LRRFIP1: variants seen among roughly 807,000 people sequenced by gnomAD.
LRRFIP1 encodes the protein LRR binding FLII interacting protein 1.
LRRFIP1 carries 62 observed loss-of-function variants against 104.4 expected under a neutral mutation model. The ratio of observed to expected loss-of-function variants is 0.59; its 90% confidence interval spans 0.48 to 0.73. The LOEUF is 0.73. LRRFIP1 is among the 30% of genes least tolerant of loss of function. LRRFIP1 has a pLI of 0.00. For missense variants in LRRFIP1, 796 were observed against 824.5 expected (o/e 0.97, Z 0.42); for synonymous variants, 300 against 299.0 (o/e 1.00, Z -0.03).
At chr2:237,645,757 A>T (rs1559460815) in intron 1 of LRRFIP1, among the ~76,000 whole-genome samples, 1 of 151,996 alleles carries the variant, frequency 6.6e-6, no homozygotes, top group Non-Finnish European at 1.5e-5. Context: ...TATCTTAAAC[A>T]AGGGTGAGCA....
intron 16 of LRRFIP1, 90 bp downstream of exon 16, chr2:237,756,277 A>C (rs2059254180): frequency 2.3e-6 from 2 of 883,400 alleles, no homozygotes; most frequent in African/African-American, 1.7e-5. Context: ...CTGCAGTAAT[A>C]AAATACCATA....
At chr2:237,743,760 G>A (rs2057432873) in intron 11 of LRRFIP1, among the ~76,000 whole-genome samples, 1 of 152,150 alleles carries the variant, frequency 6.6e-6, no homozygotes, top group South Asian at 2.1e-4. Context: ...CAGCGGGGGT[G>A]TGAGGGGAGG....
chr2:237,763,623 A>C (rs372691806), intron 19 of LRRFIP1: 4 of 1,613,854 alleles, frequency 2.5e-6, no homozygotes, highest in Non-Finnish European at 3.4e-6. Context: ...ATTGCAGCAG[A>C]AAGCAGTGAA....
intron 8 of LRRFIP1, among the ~76,000 whole-genome samples, chr2:237,731,883 C>T (rs1452442877): frequency 2.0e-5 from 3 of 152,096 alleles, no homozygotes; most frequent in East Asian, 1.9e-4. Context: ...ATTTGCTGCC[C>T]GAGGGCTCTT....
intron 15 of LRRFIP1, among the ~76,000 whole-genome samples, chr2:237,754,249 C>T (rs1222081342): frequency 6.6e-6 from 1 of 152,118 alleles, no homozygotes; most frequent in Non-Finnish European, 1.5e-5. Flanking sequence ...TTATTTTCTG[C>T]TGATTGGGAA....
At chr2:237,666,666 A>G (rs1413600403) in intron 1 of LRRFIP1, among the ~76,000 whole-genome samples, 2 of 152,192 alleles carry the variant, frequency 1.3e-5, no homozygotes, top group African/African-American at 4.8e-5. Flanking sequence ...CTGGTACTGC[A>G]GAAGCCACAC....
rs1388079346 is a variant in LRRFIP1 at position 237,691,680 on chromosome 2, G to A, written c.97-16864G>A. ...GGAACTCATACCCTCGCCCAGCCCC[G>A]GGCAGGTCCCCCCCCGGAGGGGACC... On this transcript the variant is annotated intron_variant, in intron 1 of 23. Coordinates refer to ENST00000308482, the MANE Select transcript of LRRFIP1 (RefSeq NM_001137550.2). The surrounding 1 kb of genome is among the most constrained non-coding windows in gnomAD (Gnocchi z 5.4). 6.6e-6 allele frequency among the ~76,000 whole-genome samples: 1 copy of A among 152,000 alleles called. No homozygotes were observed. The highest frequency in any genetic ancestry group is 2.4e-5 in the African/African-American group (1 of 41,324).
intron 1 of LRRFIP1, among the ~76,000 whole-genome samples, chr2:237,681,026 C>G (rs2091749668): frequency 1.3e-5 from 2 of 152,116 alleles, no homozygotes; most frequent in African/African-American, 4.8e-5. Context: ...CAAATAGACT[C>G]CTGAGTTAAT....
At chr2:237,627,922 C>T (rs1422135002) in intron 1 of LRRFIP1, among the ~76,000 whole-genome samples, 182 bp downstream of exon 1, 1 of 150,848 alleles carries the variant, frequency 6.6e-6, no homozygotes, top group African/African-American at 2.4e-5. Flanking sequence ...GCGCCCCGGC[C>T]CCGATCTCCG....
chr2:237,765,624 A>G (rs967775947), intron 19 of LRRFIP1: 1 of 974,220 alleles, frequency 1.0e-6, no homozygotes, highest in Non-Finnish European at 1.2e-6. Context: ...TTCATTTGTT[A>G]TGTCCCAGTA....
At chr2:237,643,223 C>T (rs1007668414) in intron 1 of LRRFIP1, among the ~76,000 whole-genome samples, 4 of 152,390 alleles carry the variant, frequency 2.6e-5, no homozygotes, top group South Asian at 2.1e-4. Context: ...CTTTTGGCAA[C>T]GCTGTTGCTT....
intron 19 of LRRFIP1, among the ~76,000 whole-genome samples, chr2:237,760,530 C>T (rs2059747655): frequency 6.6e-6 from 1 of 152,232 alleles, no homozygotes; most frequent in African/African-American, 2.4e-5. Flanking sequence ...TTTGGTTTTC[C>T]TCAGACACAT....
rs74449160 is a variant in LRRFIP1, at chr2:237,690,873, A to G, written c.97-17671A>G. On this transcript the variant is annotated intron_variant, in intron 1 of 23. Transcript: ENST00000308482. ...CTTTTGTGAGCCTGAGATGCTGTCA[A>G]TCAAAGACAGCTTGGCCTCTGTTCA... Among the ~76,000 whole-genome samples, 431 of 152,272 alleles carry G rather than the reference A, an allele frequency of 2.8e-3. 10 individuals are homozygous for G. In the East Asian group the frequency reaches 0.047, roughly 16 times the overall value.
At chr2:237,666,353 T>G (rs1401354646) in intron 1 of LRRFIP1, among the ~76,000 whole-genome samples, 2 of 152,272 alleles carry the variant, frequency 1.3e-5, no homozygotes, top group African/African-American at 4.8e-5. Flanking sequence ...ATCAGCAGTC[T>G]TTGATGATTT....
intron 14 of LRRFIP1, among the ~76,000 whole-genome samples, chr2:237,751,723 C>G (rs1262829063): frequency 6.6e-6 from 1 of 152,198 alleles, no homozygotes; most frequent in African/African-American, 2.4e-5. Context: ...TGAAACATCC[C>G]AATTATTTGC....
chr2:237,719,646 A>C, intron 5 of LRRFIP1, 79 bp downstream of exon 5: 1 of 932,688 alleles, frequency 1.1e-6, no homozygotes, highest in Non-Finnish European at 1.7e-6. Flanking sequence ...AGTATATATA[A>C]TATATTCAAT....
Position 237,667,181 on chromosome 2 carries a change from C to T in LRRFIP1, c.96+39441C>T, listed in dbSNP as rs553646228. Among the ~76,000 whole-genome samples the T allele has an allele frequency of 1.1e-4, 17 of 152,246 alleles. No homozygotes were observed. In the South Asian group the frequency reaches 3.5e-3, roughly 32 times the overall value. ...GTCCTAATGCTCTCCCTTCCCTTCC[C>T]CCTGACCTCCTGACAGGCCCTGGTA... On this transcript the variant is annotated intron_variant, in intron 1 of 23. Coordinates refer to ENST00000308482, the MANE Select transcript of LRRFIP1 (RefSeq NM_001137550.2).
rs1390800789 is a variant in LRRFIP1 at position 237,780,381 on chromosome 2, A to G, written c.*849A>G. 1 of 152,070 alleles carries G rather than the reference A, an allele frequency of 6.6e-6. No individual in the cohort carries two copies. The highest frequency in any genetic ancestry group is 1.5e-5 in the Non-Finnish European group (1 of 67,990). 9.4% of individuals were successfully genotyped at this position (152,070 alleles called of 1,614,324 possible). A position where few individuals can be genotyped will look rare whatever the true frequency, so the allele number is the denominator to read the frequency against. ...TTTAATTTCATATTAATGGTTCTGT[A>G]TATTTTGGGTCATCTTTTTATTTTT... On this transcript the variant is annotated 3_prime_UTR_variant, in exon 24 of 24. Transcript: ENST00000308482.
At position 237,773,358 on chromosome 2, in the gene LRRFIP1, T is replaced by G. The variant is rs2060810610; in HGVS notation, c.1707+413T>G. Among the ~76,000 whole-genome samples, 4 of 151,974 alleles carry G rather than the reference T, an allele frequency of 2.6e-5. No individual in the cohort carries two copies. The South Asian group carries it at 8.3e-4, about 32-fold the overall frequency. ...TTCGAGACCAGCCTGGCCAACATAG[T>G]GAAACCCCGTCTCTACTAAAAATAC... On this transcript the variant is annotated intron_variant, in intron 22 of 23. Transcript: ENST00000308482.
Sources: gnomAD v4.1 joint callset for allele counts (sites outside exome capture counted in the v4.1 genomes callset) on GRCh38, gnomAD v4.1.1 for gene constraint, Gnocchi (gnomAD v3.1) non-coding constraint, MANE v1.5 for transcripts, NCBI Gene and HGNC (gene_info 2026-07-23, HGNC 2026-07-21) for gene names.